The following ROBO2 variants were observed in gnomAD, a reference collection of about 807,000 sequenced individuals.
ROBO2 encodes the protein roundabout guidance receptor 2, also known as roundabout homolog 2.
Under a neutral mutation model 160.8 loss-of-function variants are expected in ROBO2, and 53 were observed. The observed-to-expected ratio is 0.33, with a 90% CI of 0.26 to 0.41. The LOEUF is 0.41. ROBO2 is among the 10% of genes least tolerant of loss of function. The pLI is 1.00. For synonymous variants in ROBO2, 664 were observed against 611.7 expected (o/e 1.09, Z -1.26); for missense variants, 1,577 against 1,722.4 (o/e 0.92, Z 1.49).
chr3:77,320,741 C>G (rs537147134), intron 2 of ROBO2, among the ~76,000 whole-genome samples: 2 of 151,934 alleles, frequency 1.3e-5, no homozygotes, highest in Non-Finnish European at 2.9e-5. Context: ...AGGTAGCTTC[C>G]CTCTAGTGGC....
Position 76,795,385 on chromosome 3 carries a change from T to G in ROBO2, c.110-302629T>G, listed in dbSNP as rs148024485. ...CTGTAGAACTTCTTTCAGAATTAGT[T>G]AAGACTCTCAAACCCTGCCACTATT... On this transcript the variant is annotated intron_variant, in intron 2 of 26. Coordinates refer to the ROBO2 transcript ENST00000487694. Among the ~76,000 whole-genome samples the G allele has an allele frequency of 1.6e-3, 250 of 152,228 alleles. 1 individual carries two copies. The highest frequency in any genetic ancestry group is 5.5e-3 in the African/African-American group (229 of 41,566).
chr3:77,366,143 T>A (rs2070835486), intron 2 of ROBO2, among the ~76,000 whole-genome samples: 4 of 152,192 alleles, frequency 2.6e-5, no homozygotes, highest in Admixed American at 2.6e-4. Flanking sequence ...TTAAATTCAC[T>A]CATCCATGCA....
At chr3:76,657,965 G>A (rs2091644207) in intron 2 of ROBO2, among the ~76,000 whole-genome samples, 1 of 149,180 alleles carries the variant, frequency 6.7e-6, no homozygotes, top group South Asian at 2.1e-4. Context: ...TACTCCAGAG[G>A]CTGAGGTCGG....
chr3:76,492,113 T>C (rs1308715128), intron 2 of ROBO2, among the ~76,000 whole-genome samples: 1 of 151,732 alleles, frequency 6.6e-6, no homozygotes, highest in African/African-American at 2.4e-5. Flanking sequence ...CAAGACGCCA[T>C]CTCAAAAACG....
intron 2 of ROBO2, among the ~76,000 whole-genome samples, chr3:76,949,149 C>T: frequency 6.6e-6 from 1 of 151,498 alleles, no homozygotes; most frequent in African/African-American, 2.4e-5. Flanking sequence ...TATAAATGTG[C>T]TTAGTTTATA....
At chr3:76,422,613 C>T (rs1285371910) in intron 2 of ROBO2, among the ~76,000 whole-genome samples, 2 of 152,122 alleles carry the variant, frequency 1.3e-5, no homozygotes, top group South Asian at 2.1e-4. Flanking sequence ...TTTCGTCTAA[C>T]TTAGAAAATA....
intron 2 of ROBO2, among the ~76,000 whole-genome samples, chr3:77,001,134 C>G (rs2061317059): frequency 6.6e-6 from 1 of 152,142 alleles, no homozygotes; most frequent in African/African-American, 2.4e-5. Context: ...CCACTTCTTT[C>G]TCCCTCTAAA....
At chr3:77,424,663 G>A (rs911453624) in intron 2 of ROBO2, among the ~76,000 whole-genome samples, 31 of 151,490 alleles carry the variant, frequency 2.0e-4, no homozygotes, top group African/African-American at 6.3e-4. Context: ...TCTTTTTTTT[G>A]TTGGTTTTAT....
chr3:76,825,834 C>T (rs1021431398), intron 2 of ROBO2, among the ~76,000 whole-genome samples: 5 of 151,890 alleles, frequency 3.3e-5, no homozygotes, highest in African/African-American at 9.7e-5. Flanking sequence ...CCTCCCTTAA[C>T]GTAACAGATT....
At chr3:77,431,409 A>T (rs2078757437) in intron 2 of ROBO2, among the ~76,000 whole-genome samples, 1 of 152,232 alleles carries the variant, frequency 6.6e-6, no homozygotes, top group Non-Finnish European at 1.5e-5. Flanking sequence ...GGAAAAGCTA[A>T]ACATTTTATA....
At chr3:76,981,247 T>G (rs1295686864) in intron 2 of ROBO2, among the ~76,000 whole-genome samples, 1 of 152,194 alleles carries the variant, frequency 6.6e-6, no homozygotes, top group Non-Finnish European at 1.5e-5. Context: ...TGTTTTAATC[T>G]TTTGAAGAAT....
At chr3:76,948,579 ATTT>A (rs757654181) in intron 2 of ROBO2, among the ~76,000 whole-genome samples, 2,126 of 93,518 alleles carry the variant, frequency 0.023, 54 homozygotes, top group African/African-American at 0.091. Flanking sequence ...TTATAATCTA[ATTT>A]TTTTTTTTTT....
At position 77,473,284 on chromosome 3, in the gene ROBO2, G is replaced by T. The variant is rs553926871; in HGVS notation, c.389-4130G>T. Among the ~76,000 whole-genome samples, 3 of 151,684 alleles carry T rather than the reference G, an allele frequency of 2.0e-5. No homozygotes were observed. In the South Asian group the frequency reaches 6.2e-4, roughly 32 times the overall value. On this transcript the variant is annotated intron_variant, in intron 2 of 25. Coordinates refer to ENST00000461745, the Ensembl canonical transcript of ROBO2. ...CTTTTTTACTGCACCTGTGGCGGAA[G>T]AAAAAAATAATAATAAGAAGAAGAA...
chr3:76,828,297 C>T (rs925035796), intron 2 of ROBO2, among the ~76,000 whole-genome samples: 1 of 151,884 alleles, frequency 6.6e-6, no homozygotes, highest in African/African-American at 2.4e-5. Flanking sequence ...TAAATAATTC[C>T]TTTATACACT....
chr3:77,509,619 A>G (rs1458456628), intron 5 of ROBO2, among the ~76,000 whole-genome samples: 2 of 152,112 alleles, frequency 1.3e-5, no homozygotes, highest in Non-Finnish European at 2.9e-5. Context: ...TTCAGTAAAC[A>G]GAAAATAAAG....
chr3:76,896,194 T>C lies in ROBO2; in HGVS notation c.110-201820T>C, dbSNP rs145998380. 1.8e-3 allele frequency among the ~76,000 whole-genome samples: 274 copies of C among 152,330 alleles called. 1 individual carries two copies. Among genetic ancestry groups the C allele is most frequent in the East Asian group, 1.7e-3 (9 of 5,192 alleles). ...ACACATTATATAGACTATCAATAGC[T>C]GAGAATGAGAGAAAACATTTCTATT... On this transcript the variant is annotated intron_variant, in intron 2 of 26. Coordinates refer to the ROBO2 transcript ENST00000487694.
intron 2 of ROBO2, among the ~76,000 whole-genome samples, chr3:77,228,553 G>A (rs1023400562): frequency 2.6e-5 from 4 of 151,838 alleles, no homozygotes; most frequent in African/African-American, 9.7e-5. Flanking sequence ...GGCAGAGGGA[G>A]GGGAACATCA....
intron 2 of ROBO2, among the ~76,000 whole-genome samples, chr3:77,216,198 C>T (rs1212108507): frequency 4.6e-5 from 7 of 152,174 alleles, no homozygotes; most frequent in African/African-American, 1.7e-4. Context: ...GGCACACAGG[C>T]CTCCTTGAGC....
exon 26 of ROBO2, chr3:77,648,144 A>T (rs2153726391): frequency 6.6e-6 from 1 of 152,310 alleles, no homozygotes; most frequent in East Asian, 1.9e-4. Flanking sequence ...AAGTTTCTTC[A>T]AAGAGTGAAT....
Sources: gnomAD v4.1 joint callset for allele counts (sites outside exome capture counted in the v4.1 genomes callset) on GRCh38, gnomAD v4.1.1 for gene constraint, MANE v1.5 for transcripts, NCBI Gene and HGNC (gene_info 2026-07-23, HGNC 2026-07-21) for gene names.